Variants in POU2F2 observed in about 807,000 individuals in gnomAD.
POU2F2 encodes POU class 2 homeobox 2.
A neutral mutation model predicts 63.5 loss-of-function variants in POU2F2; 14 were observed. The ratio of observed to expected loss-of-function variants is 0.22; its 90% confidence interval spans 0.15 to 0.34. The LOEUF (loss-of-function observed/expected upper bound fraction) is 0.34. Ranked by LOEUF, POU2F2 falls within the 10% of genes least tolerant of loss-of-function variation. The probability of loss-of-function intolerance (pLI) is 1.00; values close to 1 mark genes in which losing one functional copy is unlikely to be tolerated. For synonymous variants in POU2F2, 306 were observed against 348.6 expected (o/e 0.88, Z 1.36); for missense variants, 607 against 815.2 (o/e 0.74, Z 3.11).
chr19:42,095,220 G>C lies in POU2F2; in HGVS notation c.1197+66C>G. ...TAGGCTCTGTGGACAACCAGGTAGG[G>C]TGGGCTTCACACAGGTGCCTGCGGA... On this transcript the variant is annotated intron_variant, in intron 11 of 14. Coordinates refer to ENST00000692977, the MANE Select transcript of POU2F2 (RefSeq NM_001394376.1). This position sits in a 1 kb window ranked among gnomAD's most constrained non-coding sequence, Gnocchi z 7.1. 1.3e-6 allele frequency: 2 copies of C among 1,522,246 alleles called. No homozygotes were observed. Among genetic ancestry groups the C allele is most frequent in the Non-Finnish European group, 1.8e-6 (2 of 1,131,966 alleles). The allele number at this position is 1,522,246 out of a possible 1,614,324, so 94.3% of individuals were successfully genotyped here.
intron 2 of POU2F2, among the ~76,000 whole-genome samples, chr19:42,149,922 C>T (rs1192449824): frequency 6.6e-6 from 1 of 152,196 alleles, no homozygotes; most frequent in East Asian, 1.9e-4. Flanking sequence ...CACCCAGCTG[C>T]CTCCCAAAGA....
chr19:42,149,439 G>T (rs2034297388), intron 2 of POU2F2, among the ~76,000 whole-genome samples: 1 of 152,140 alleles, frequency 6.6e-6, no homozygotes. Context: ...GCTAGACAAG[G>T]GATGTGGGGC....
chr19:42,161,771 C>G (rs1287853246), intron 1 of POU2F2, among the ~76,000 whole-genome samples: 1 of 152,134 alleles, frequency 6.6e-6, no homozygotes, highest in Non-Finnish European at 1.5e-5. Context: ...AGAAGGGGAC[C>G]AGAACCCCTG....
At chr19:42,157,283 CA>C (rs1326427492) in intron 2 of POU2F2, 1 of 152,300 alleles carries the variant, frequency 6.6e-6, no homozygotes, top group Non-Finnish European at 1.5e-5. Context: ...TCCTTACCCC[CA>C]AAGACTTCCT....
intron 5 of POU2F2, among the ~76,000 whole-genome samples, chr19:42,103,420 G>A (rs1364114173): frequency 1.3e-5 from 2 of 152,164 alleles, no homozygotes; most frequent in Non-Finnish European, 2.9e-5. Flanking sequence ...AACCAAGACT[G>A]ATGCTTCATC....
intron 5 of POU2F2, among the ~76,000 whole-genome samples, chr19:42,114,233 G>T (rs986075753): frequency 6.6e-6 from 1 of 152,136 alleles, no homozygotes; most frequent in African/African-American, 2.4e-5. Flanking sequence ...TGCTCACAGA[G>T]ATGGTGGCCT....
intron 3 of POU2F2, 35 bp from the exon 4 acceptor site, chr19:42,122,217 T>G: frequency 6.2e-7 from 1 of 1,601,856 alleles, no homozygotes; most frequent in Non-Finnish European, 8.5e-7. Context: ...GGGATGGGAA[T>G]AGTGCAGTGA....
Position 42,117,448 on chromosome 19 carries a change from A to G in POU2F2, c.187-16T>C. The G allele has an allele frequency of 1.0e-6, 1 of 996,030 alleles. No homozygotes were observed. Among genetic ancestry groups the G allele is most frequent in the Non-Finnish European group, 1.5e-6 (1 of 666,450 alleles). The allele number at this position is 996,030 out of a possible 1,614,324, so 61.7% of individuals were successfully genotyped here. ...GAATGCCCACCTGTGAACCAAAGAG[A>G]GGGCACGTGTGTGGCAATGGCAATC... On this transcript the variant is annotated splice_polypyrimidine_tract_variant and intron_variant, in intron 4 of 14. Coordinates refer to ENST00000692977, the MANE Select transcript of POU2F2 (RefSeq NM_001394376.1). The surrounding 1 kb of genome is among the most constrained non-coding windows in gnomAD (Gnocchi z 4.4).
Position 42,092,181 on chromosome 19 carries a change from TGAG to T in POU2F2, c.1351_1353del (p.Leu451del). 6.6e-7 allele frequency: 1 copy of T among 1,503,800 alleles called. No homozygotes were observed. The highest frequency in any genetic ancestry group is 9.0e-7 in the Non-Finnish European group (1 of 1,113,244). The allele number at this position is 1,503,800 out of a possible 1,614,324, so 93.2% of individuals were successfully genotyped here. ...GGGGGAGTGACAGAGGGGATGGAATTGAGGGGGGGCGCAGCCCCGCCCCCGCCC... is the reference window on the plus strand; with the variant it reads ...GGGGGAGTGACAGAGGGGATGGAATTGGGGGGCGCAGCCCCGCCCCCGCCC... On this transcript the variant is annotated inframe_deletion, in exon 13 of 15. Coordinates refer to ENST00000692977, the MANE Select transcript of POU2F2 (RefSeq NM_001394376.1). This position sits in a 1 kb window ranked among gnomAD's most constrained non-coding sequence, Gnocchi z 5.0.
Position 42,122,240 on chromosome 19 carries a change from C to A in POU2F2, c.130-58G>T, listed in dbSNP as rs2032708967. 3.2e-6 allele frequency: 5 copies of A among 1,576,000 alleles called. No homozygotes were observed. In the South Asian group the frequency reaches 5.7e-5, roughly 18 times the overall value. On this transcript the variant is annotated intron_variant, in intron 3 of 14. Coordinates refer to ENST00000692977, the MANE Select transcript of POU2F2 (RefSeq NM_001394376.1). ...AATAGTGCAGTGAAGCAGCTTCTGA[C>A]CACCCCCGCTCCCTGCCCTCCTACC...
At position 42,152,111 on chromosome 19, in the gene POU2F2, C is replaced by A. The variant is rs569062185; in HGVS notation, c.-9+8221G>T. On this transcript the variant is annotated intron_variant, in intron 2 of 6. Transcript: ENST00000524801. The surrounding 1 kb of genome is among the most constrained non-coding windows in gnomAD (Gnocchi z 4.1). ...ATCCACCCATGACACTGCGTCAGGGCCTCCCATCCACCCAGCCTGACTGTG... is the reference window on the plus strand; with the variant it reads ...ATCCACCCATGACACTGCGTCAGGGACTCCCATCCACCCAGCCTGACTGTG... Among the ~76,000 whole-genome samples the A allele has an allele frequency of 2.0e-5, 3 of 152,172 alleles. No individual in the cohort carries two copies. Among genetic ancestry groups the A allele is most frequent in the African/African-American group, 4.8e-5 (2 of 41,422 alleles).
chr19:42,141,457 C>G (rs1353541516), intron 2 of POU2F2, among the ~76,000 whole-genome samples: 3 of 147,974 alleles, frequency 2.0e-5, no homozygotes, highest in African/African-American at 7.5e-5. Context: ...AATTGGCTGA[C>G]AGGAACTTAA....
intron 1 of POU2F2, among the ~76,000 whole-genome samples, chr19:42,182,793 G>T (rs536682951): frequency 1.3e-5 from 2 of 152,126 alleles, no homozygotes; most frequent in African/African-American, 4.8e-5. Flanking sequence ...AAGTGGGTAG[G>T]GTCCTGGGAC....
At chr19:42,106,775 G>C (rs376437322) in intron 5 of POU2F2, among the ~76,000 whole-genome samples, 1 of 148,274 alleles carries the variant, frequency 6.7e-6, no homozygotes, top group East Asian at 2.0e-4. Flanking sequence ...AGGAGGAAGA[G>C]GAGAAGGAGG....
upstream of POU2F2, among the ~76,000 whole-genome samples, chr19:42,135,790 C>G (rs965254453): frequency 6.6e-6 from 1 of 151,826 alleles, no homozygotes; most frequent in Non-Finnish European, 1.5e-5. Flanking sequence ...TCACTGCAAC[C>G]TCCGCCTCCT....
At chr19:42,192,609 A>G (rs1015820930) in intron 1 of POU2F2, among the ~76,000 whole-genome samples, 2 of 152,248 alleles carry the variant, frequency 1.3e-5, no homozygotes, top group East Asian at 3.9e-4. Context: ...TAAACCTCTT[A>G]TTCAATTTAA....
intron 1 of POU2F2, among the ~76,000 whole-genome samples, chr19:42,170,191 C>T (rs546867264): frequency 3.0e-4 from 46 of 152,224 alleles, no homozygotes; most frequent in African/African-American, 9.6e-4. Context: ...AGATGCCCCC[C>T]TCATCCTGGT....
chr19:42,174,045 T>C (rs2034823258), intron 1 of POU2F2, among the ~76,000 whole-genome samples: 1 of 151,906 alleles, frequency 6.6e-6, no homozygotes, highest in Non-Finnish European at 1.5e-5. Flanking sequence ...GGAGAGGGGA[T>C]CTTTTCTTGT....
At chr19:42,103,667 C>A (rs777319879) in intron 5 of POU2F2, among the ~76,000 whole-genome samples, 2 of 115,096 alleles carry the variant, frequency 1.7e-5, no homozygotes, top group East Asian at 2.8e-4. Flanking sequence ...GAGTCTCACT[C>A]TGTTGCCCAG....
Sources: allele counts gnomAD v4.1 joint callset (sites outside exome capture counted in the v4.1 genomes callset), GRCh38; gene constraint gnomAD v4.1.1; non-coding constraint Gnocchi (gnomAD v3.1); transcripts MANE v1.5; gene names NCBI Gene and HGNC (gene_info 2026-07-23, HGNC 2026-07-21).